The following SLC8A2 variants were observed in gnomAD, a reference collection of about 807,000 sequenced individuals.
The protein encoded by SLC8A2 is solute carrier family 8 member A2, also known as sodium/calcium exchanger 2.
Under a neutral mutation model 70.2 loss-of-function variants are expected in SLC8A2, and 14 were observed. That is an observed-to-expected ratio of 0.20 (90% CI 0.13 to 0.31). SLC8A2 has a LOEUF of 0.31. Among genes scored for constraint, SLC8A2 ranks in the 10% least tolerant of loss-of-function variants. The probability of loss-of-function intolerance (pLI) is 1.00; values close to 1 mark genes in which losing one functional copy is unlikely to be tolerated. For missense variants in SLC8A2, 779 were observed against 1,320.1 expected (o/e 0.59, Z 6.35); for synonymous variants, 575 against 594.3 (o/e 0.97, Z 0.47).
chr19:47,461,508 C>T (rs1426402663), intron 2 of SLC8A2, among the ~76,000 whole-genome samples: 5 of 151,846 alleles, frequency 3.3e-5, no homozygotes, highest in South Asian at 2.1e-4. Flanking sequence ...GACTCCATCT[C>T]GAAAAAAAGA....
chr19:47,466,139 T>C lies in SLC8A2; in HGVS notation c.265A>G (p.Ile89Val), dbSNP rs1967455515. The C allele has an allele frequency of 1.9e-6, 3 of 1,614,088 alleles. No homozygotes were observed. Among genetic ancestry groups the C allele is most frequent in the Non-Finnish European group, 2.5e-6 (3 of 1,180,026 alleles). The part of the protein sequence containing the change: ...MVYMFLGVSI[I>V]ADRFMAAIEV... ...ATGGCCGCCATGAAACGGTCGGCGA[T>C]GATGGACACTCCCAGAAACATGTAG... The change falls in exon 2 of 10, where the codon ATC (isoleucine) becomes GTC (valine). Residue 89 changes from isoleucine (I) to valine (V), a missense_variant. Physicochemically the swap from Ile to Val is conservative, Grantham distance 29. Coordinates refer to ENST00000236877, the MANE Select transcript of SLC8A2 (RefSeq NM_015063.3). This position sits in a 1 kb window ranked among gnomAD's most constrained non-coding sequence, Gnocchi z 6.9.
intron 3 of SLC8A2, among the ~76,000 whole-genome samples, chr19:47,451,808 C>T (rs1967238185): frequency 6.6e-6 from 1 of 152,152 alleles, no homozygotes. Context: ...TTAGACAAAC[C>T]CAGATTGAGA....
intron 4 of SLC8A2, among the ~76,000 whole-genome samples, chr19:47,443,630 C>T (rs1024536956): frequency 2.6e-5 from 4 of 152,216 alleles, no homozygotes; most frequent in Non-Finnish European, 4.4e-5. Context: ...TTGGCGACAT[C>T]GCCACCCTGC....
intron 9 of SLC8A2, among the ~76,000 whole-genome samples, chr19:47,431,667 AAAAAAAAAAAAAAC>A (rs1966962854): frequency 1.5e-5 from 2 of 133,484 alleles, no homozygotes; most frequent in Admixed American, 7.9e-5. Flanking sequence ...CAAAAAAAAA[AAAAAAAAAAAAAAC>A]AAAACCCAAA....
At chr19:47,469,511 A>C (rs1967506521) in intron 1 of SLC8A2, among the ~76,000 whole-genome samples, 1 of 152,030 alleles carries the variant, frequency 6.6e-6, no homozygotes, top group Non-Finnish European at 1.5e-5. Context: ...GCGGGTTCTC[A>C]TGTCCACCCT....
rs771051204 is a variant in SLC8A2, at chr19:47,432,615, A to T, written c.2111-170T>A. The T allele has an allele frequency of 4.3e-4, 258 of 594,826 alleles. No homozygotes were observed. Among genetic ancestry groups the T allele is most frequent in the Middle Eastern group, 3.0e-3 (11 of 3,650 alleles). 36.8% of individuals were successfully genotyped at this position (594,826 alleles called of 1,614,324 possible). A position where few individuals can be genotyped will look rare whatever the true frequency, so the allele number is the denominator to read the frequency against. ...AACTGCTAAAAACAGTTACTTTCCC[A>T]GAATCCCTTGAAGCTAGGAGCTTGA... On this transcript the variant is annotated intron_variant, in intron 8 of 9. Transcript: ENST00000236877. This position sits in a 1 kb window ranked among gnomAD's most constrained non-coding sequence, Gnocchi z 6.2.
intron 2 of SLC8A2, among the ~76,000 whole-genome samples, chr19:47,460,653 C>T (rs1016312697): frequency 9.3e-5 from 14 of 150,800 alleles, no homozygotes; most frequent in African/African-American, 3.4e-4. Flanking sequence ...GCCGAGATCA[C>T]GCCACTGCAC....
In SLC8A2 at chr19:47,447,346, C is replaced by A. The variant is rs1047712125; in HGVS notation, c.1763+463G>T. The stretch of plus-strand genomic sequence containing the variant: ...TCTTCAGCACACACTCCACGAGCTA[C>A]CAATTAAGGCCCCACACCGCTCTCC... On this transcript the variant is annotated intron_variant, in intron 4 of 9. Coordinates refer to ENST00000236877, the MANE Select transcript of SLC8A2 (RefSeq NM_015063.3). This position sits in a 1 kb window ranked among gnomAD's most constrained non-coding sequence, Gnocchi z 5.1. The A allele has an allele frequency of 2.0e-5, 4 of 195,754 alleles. No individual in the cohort carries two copies. Among genetic ancestry groups the A allele is most frequent in the African/African-American group, 9.6e-5 (4 of 41,664 alleles). The allele number at this position is 195,754 out of a possible 1,614,324, so 12.1% of individuals were successfully genotyped here.
intron 3 of SLC8A2, among the ~76,000 whole-genome samples, chr19:47,453,733 T>G (rs886362724): frequency 1.3e-5 from 2 of 152,104 alleles, no homozygotes; most frequent in African/African-American, 4.8e-5. Context: ...AAACCTTGTC[T>G]CTACAAAACA....
Position 47,430,567 on chromosome 19 carries a change from T to G in SLC8A2, c.2390-102A>C. On this transcript the variant is annotated intron_variant, in intron 9 of 9. Coordinates refer to ENST00000236877, the MANE Select transcript of SLC8A2 (RefSeq NM_015063.3). This position sits in a 1 kb window ranked among gnomAD's most constrained non-coding sequence, Gnocchi z 5.9. ...CAGCCTTTCCCGGTCGCCTGCTTTC[T>G]GCGGGCAGTGTGGGCTCAAGACCCC... 7.7e-7 allele frequency: 1 copy of G among 1,302,320 alleles called. No homozygotes were observed. 80.7% of individuals were successfully genotyped at this position (1,302,320 alleles called of 1,614,324 possible). A position where few individuals can be genotyped will look rare whatever the true frequency, so the allele number is the denominator to read the frequency against.
In SLC8A2 at chr19:47,465,781, G is replaced by A. The variant is rs1431834225; in HGVS notation, c.623C>T (p.Ala208Val). 1 of 1,614,026 alleles carries A rather than the reference G, an allele frequency of 6.2e-7. No individual in the cohort carries two copies. The highest frequency in any genetic ancestry group is 1.1e-5 in the South Asian group (1 of 91,060). Residue 208 changes from alanine to valine, a missense_variant, in exon 2 of 10, where the codon GCC becomes GTC. Physicochemically the swap from Ala to Val is moderately conservative, Grantham distance 64. This residue lies in a region of SLC8A2 where 155 missense variants were observed against 318.6 expected (regional missense o/e 0.49). Transcript: ENST00000236877. The surrounding 1 kb of genome is among the most constrained non-coding windows in gnomAD (Gnocchi z 5.5). Reference sequence around the variant, plus strand: ...AAGGATGAGATAAAGCCAGACATAGGCGAAGATGCTCCAAGAGGCAGTGAC... The same window carrying A: ...AAGGATGAGATAAAGCCAGACATAGACGAAGATGCTCCAAGAGGCAGTGAC... ...FFVTASWSIF[A>V]YVWLYLILAV...
intron 4 of SLC8A2, among the ~76,000 whole-genome samples, chr19:47,444,521 A>G (rs901104460): frequency 3.3e-5 from 5 of 152,254 alleles, no homozygotes; most frequent in Non-Finnish European, 7.3e-5. Context: ...GGGGCCGGCG[A>G]GGAGGGAGGG....
rs1163778832 is a variant in SLC8A2, at chr19:47,447,444, A to C, written c.1763+365T>G. 2.5e-5 allele frequency: 7 copies of C among 278,008 alleles called. No homozygotes were observed. Among genetic ancestry groups the C allele is most frequent in the Non-Finnish European group, 4.8e-5 (7 of 146,946 alleles). The allele number at this position is 278,008 out of a possible 1,614,324, so 17.2% of individuals were successfully genotyped here. On this transcript the variant is annotated intron_variant, in intron 4 of 9. Transcript: ENST00000236877. This position sits in a 1 kb window ranked among gnomAD's most constrained non-coding sequence, Gnocchi z 5.1. ...GGGCCCTCTTCTCACCTGTCCGGCC[A>C]CCCTTCTAGGCCTCGCCTCTTCATT...
chr19:47,450,884 A>G (rs931272625), intron 3 of SLC8A2, among the ~76,000 whole-genome samples: 2 of 152,176 alleles, frequency 1.3e-5, no homozygotes, highest in Admixed American at 6.6e-5. Flanking sequence ...CCAGAGGCAC[A>G]GTTAGCTAGT....
intron 3 of SLC8A2, among the ~76,000 whole-genome samples, chr19:47,450,969 A>G (rs1967227203): frequency 6.6e-6 from 1 of 151,548 alleles, no homozygotes; most frequent in African/African-American, 2.4e-5. Context: ...TGTAAGGGAT[A>G]AAGGGATCAG....
Position 47,438,034 on chromosome 19 carries a change from C to A in SLC8A2, c.1886-61G>T, listed in dbSNP as rs1053857746. 2.1e-5 allele frequency: 34 copies of A among 1,595,898 alleles called. No individual in the cohort carries two copies. In the African/African-American group the frequency reaches 4.4e-4, roughly 21 times the overall value. On this transcript the variant is annotated intron_variant, in intron 6 of 9. Coordinates refer to ENST00000236877, the MANE Select transcript of SLC8A2 (RefSeq NM_015063.3). ...GACCTACCTAATTGGGCCTGTGACGCCTTTACTACCTGTCCCCATAGTTAG... is the reference window on the plus strand; with the variant it reads ...GACCTACCTAATTGGGCCTGTGACGACTTTACTACCTGTCCCCATAGTTAG...
In SLC8A2 at chr19:47,430,192, G is replaced by A; in HGVS notation, c.2663C>T (p.Pro888Leu). 2 of 1,602,048 alleles carry A rather than the reference G, an allele frequency of 1.2e-6. No individual in the cohort carries two copies. The highest frequency in any genetic ancestry group is 1.7e-6 in the Non-Finnish European group (2 of 1,174,368). Reference sequence around the variant, plus strand: ...GGTGGTGGCGAGCTTGGGTCCGCGCGGGCCGCCCAGCTCGCCGCCGATGTG... The same window carrying A: ...GGTGGTGGCGAGCTTGGGTCCGCGCAGGCCGCCCAGCTCGCCGCCGATGTG... ...RPHIGGELGGPRGPKLATTAL... is the reference protein window; with the variant it reads ...RPHIGGELGGLRGPKLATTAL... The change falls in exon 10 of 10, where the codon CCG becomes CTG. Residue 888 changes from proline (P) to leucine (L), a missense_variant. By Grantham distance (98) the Pro-to-Leu change is moderately conservative. Transcript: ENST00000236877. The surrounding 1 kb of genome is among the most constrained non-coding windows in gnomAD (Gnocchi z 5.9).
chr19:47,461,517 G>A (rs941841546), intron 2 of SLC8A2, among the ~76,000 whole-genome samples: 5 of 152,092 alleles, frequency 3.3e-5, no homozygotes, highest in African/African-American at 7.2e-5. Context: ...TCGAAAAAAA[G>A]AAGGCCCCCA....
At chr19:47,434,178 T>C (rs1443161291) in intron 8 of SLC8A2, among the ~76,000 whole-genome samples, 1 of 152,204 alleles carries the variant, frequency 6.6e-6, no homozygotes, top group Admixed American at 6.5e-5. Flanking sequence ...GCCACGCTCT[T>C]TGGGAGAGAG....
Sources: gnomAD v4.1 joint callset for allele counts (sites outside exome capture counted in the v4.1 genomes callset) on GRCh38, gnomAD v4.1.1 for gene constraint, gnomAD v4.1.1 regional missense constraint, Gnocchi (gnomAD v3.1) non-coding constraint, MANE v1.5 for transcripts, NCBI Gene and HGNC (gene_info 2026-07-23, HGNC 2026-07-21) for gene names.